AREL1: variants seen among roughly 807,000 people sequenced by gnomAD.
AREL1 encodes apoptosis resistant E3 ubiquitin protein ligase 1.
Under a neutral mutation model 99.0 loss-of-function variants are expected in AREL1, and 62 were observed. That is an observed-to-expected ratio of 0.63 (90% CI 0.51 to 0.77). The LOEUF (loss-of-function observed/expected upper bound fraction) is 0.77. Ranked by LOEUF, AREL1 falls within the 30% of genes least tolerant of loss-of-function variation. AREL1 has a pLI of 0.00. For synonymous variants in AREL1, 380 were observed against 376.5 expected, an observed-to-expected ratio of 1.01 and a Z score of -0.11; for missense variants, 879 against 1,027.6, an observed-to-expected ratio of 0.86 and a Z score of 1.98.
At chr14:74,685,288 T>C (rs1177744193) in intron 3 of AREL1, among the ~76,000 whole-genome samples, 1 of 152,180 alleles carries the variant, frequency 6.6e-6, no homozygotes, top group African/African-American at 2.4e-5. Flanking sequence ...TTCAAACTCC[T>C]ACACATTCAT....
At chr14:74,689,379 TG>T (rs577626190) in intron 2 of AREL1, among the ~76,000 whole-genome samples, 197 of 152,176 alleles carry the variant, frequency 1.3e-3, no homozygotes, top group African/African-American at 4.5e-3. Flanking sequence ...AGCTCTGAAA[TG>T]TCCCCTCTCC....
At position 74,670,090 on chromosome 14, in the gene AREL1, G is replaced by A. The variant is rs2089300581; in HGVS notation, c.1645C>T (p.Leu549=). 2 of 1,613,402 alleles carry A rather than the reference G, an allele frequency of 1.2e-6. No individual in the cohort carries two copies. Among genetic ancestry groups the A allele is most frequent in the Non-Finnish European group, 1.7e-6 (2 of 1,179,500 alleles). Residue 549 remains leucine, a synonymous_variant, in exon 14 of 20, where the codon CTG becomes TTG. Coordinates refer to ENST00000356357, the MANE Select transcript of AREL1 (RefSeq NM_001039479.2). ...PNPNRPAHLR[L]KMYEFAGRLV... ...CGTCCCGCAAACTCATACATTTTCA[G>A]GCGCAGATGAGCGGGGCGATTAGGG...
intron 5 of AREL1, among the ~76,000 whole-genome samples, chr14:74,679,647 C>A (rs1046102413): frequency 6.6e-5 from 10 of 151,674 alleles, no homozygotes; most frequent in African/African-American, 2.4e-4. Context: ...TCTAACAGGG[C>A]AAAACCCCAT....
intron 2 of AREL1, among the ~76,000 whole-genome samples, chr14:74,688,978 A>G (rs1055695567): frequency 1.3e-4 from 19 of 151,142 alleles, no homozygotes; most frequent in African/African-American, 4.4e-4. Flanking sequence ...CTGGGATTAC[A>G]GGTGCCCACC....
chr14:74,697,779 A>T (rs905659510), intron 1 of AREL1, among the ~76,000 whole-genome samples: 1 of 152,204 alleles, frequency 6.6e-6, no homozygotes, highest in Non-Finnish European at 1.5e-5. Context: ...AGTCAGCAGG[A>T]TGAACTCACT....
At chr14:74,668,194 G>C (rs2139861710) in intron 15 of AREL1, among the ~76,000 whole-genome samples, 1 of 152,280 alleles carries the variant, frequency 6.6e-6, no homozygotes, top group South Asian at 2.1e-4. Context: ...TCTCTGCAAA[G>C]AAAAAGGTGA....
At chr14:74,699,236 A>C (rs2090033347) in intron 1 of AREL1, among the ~76,000 whole-genome samples, 1 of 152,184 alleles carries the variant, frequency 6.6e-6, no homozygotes, top group African/African-American at 2.4e-5. Flanking sequence ...GAGTTCACAC[A>C]TTCTCTGTGT....
chr14:74,671,477 T>A lies in AREL1; in HGVS notation c.1429A>T (p.Lys477Ter), dbSNP rs2089343742. 6.3e-7 allele frequency: 1 copy of A among 1,594,822 alleles called. No individual in the cohort carries two copies. Among genetic ancestry groups the A allele is most frequent in the African/African-American group, 1.4e-5 (1 of 73,552 alleles). Residue 477 changes from lysine (K) to a stop codon, truncating the protein, a stop_gained, in exon 12 of 20, where the codon AAA (lysine) becomes TAA (stop). Transcript: ENST00000356357. LOFTEE classifies it high-confidence loss of function. ...GAGATGGAGAAATTCCGAGTGGCTT[T>A]CAGAGACTGAAAAGAAGTGAAAGGA... ...SRHALLESSL[K>*]ATRNFSISDW...
At chr14:74,702,432 T>C (rs116296013) in intron 1 of AREL1, among the ~76,000 whole-genome samples, 2,730 of 152,308 alleles carry the variant, frequency 0.018, 91 homozygotes, top group African/African-American at 0.063. Flanking sequence ...TGGCCCAAGC[T>C]GTACCTTGGC....
intron 7 of AREL1, 60 bp from the exon 8 acceptor site, chr14:74,676,006 T>C: frequency 1.3e-6 from 2 of 1,538,708 alleles, no homozygotes; most frequent in Non-Finnish European, 1.7e-6. Context: ...AAATTACCTA[T>C]CACAGGCTTT....
chr14:74,687,276 T>C (rs778388327), intron 2 of AREL1, among the ~76,000 whole-genome samples: 12 of 152,200 alleles, frequency 7.9e-5, no homozygotes, highest in Non-Finnish European at 1.6e-4. Flanking sequence ...TCATGAGGGC[T>C]AGAAAAATTC....
At position 74,664,010 on chromosome 14, in the gene AREL1, T is replaced by C; in HGVS notation, c.2258A>G (p.Gln753Arg). Residue 753 changes from glutamine to arginine, a missense_variant, in exon 19 of 20, where the codon CAG (glutamine) becomes CGG (arginine). Gln to Arg is a conservative substitution (Grantham distance 43). Transcript: ENST00000356357. ...LTQEELARLL[Q>R]FTTGSSQLPP... The stretch of plus-strand genomic sequence containing the variant: ...TAGCTGAGAGGAGCCTGTTGTGAAC[T>C]GAAGTAGCCGAGCCAACTCCTCCTG... 1 of 1,614,082 alleles carries C rather than the reference T, an allele frequency of 6.2e-7. No individual in the cohort carries two copies. The highest frequency in any genetic ancestry group is 8.5e-7 in the Non-Finnish European group (1 of 1,180,010).
chr14:74,703,644 T>C (rs1322283530), intron 1 of AREL1, among the ~76,000 whole-genome samples: 4 of 152,206 alleles, frequency 2.6e-5, no homozygotes, highest in Admixed American at 6.5e-5. Flanking sequence ...CTTAGATTCA[T>C]ACATGTTGTT....
intron 8 of AREL1, 52 bp from the exon 9 acceptor site, chr14:74,674,163 A>G: frequency 6.9e-7 from 1 of 1,447,618 alleles, no homozygotes; most frequent in Non-Finnish European, 9.6e-7. Context: ...AAAAGGCTCT[A>G]TTTGGGTATT....
chr14:74,705,765 A>G (rs577405849), intron 1 of AREL1, among the ~76,000 whole-genome samples: 1 of 152,298 alleles, frequency 6.6e-6, no homozygotes, highest in South Asian at 2.1e-4. Flanking sequence ...TCTCTATTGC[A>G]CCATTCTCTC....
intron 11 of AREL1, chr14:74,672,122 T>G (rs1301853841): frequency 5.2e-6 from 2 of 381,284 alleles, no homozygotes. Flanking sequence ...AATCATTTCC[T>G]TTTAATTCAA....
At chr14:74,688,994 G>A (rs1462972193) in intron 2 of AREL1, among the ~76,000 whole-genome samples, 15 of 150,966 alleles carry the variant, frequency 9.9e-5, no homozygotes, top group African/African-American at 2.9e-4. Context: ...CCACCACCAC[G>A]CCAGGCTAAT....
At chr14:74,703,305 G>T (rs1382321673) in intron 1 of AREL1, among the ~76,000 whole-genome samples, 1 of 152,170 alleles carries the variant, frequency 6.6e-6, no homozygotes, top group East Asian at 1.9e-4. Context: ...AGCGAAAGGG[G>T]AAATCCCTTA....
In AREL1 at chr14:74,676,683, G is replaced by C. The variant is rs202106130; in HGVS notation, c.551C>G (p.Pro184Arg). 3.7e-6 allele frequency: 6 copies of C among 1,613,960 alleles called. No individual in the cohort carries two copies. The highest frequency in any genetic ancestry group is 5.1e-6 in the Non-Finnish European group (6 of 1,179,984). The change falls in exon 6 of 20, where the codon CCG becomes CGG. Residue 184 changes from proline (P) to arginine (R), a missense_variant. Pro to Arg is a moderately radical substitution (Grantham distance 103). Transcript: ENST00000356357. ...TCGGGGTACTATTTGAAGGGTGTGC[G>C]GCTGCCCACAGGTCAATACAAGAGT... ...FSTLVLTCGQPHTLQIVPRDE... is the reference protein window; with the variant it reads ...FSTLVLTCGQRHTLQIVPRDE...
Sources: allele counts gnomAD v4.1 joint callset (sites outside exome capture counted in the v4.1 genomes callset), GRCh38; gene constraint gnomAD v4.1.1; transcripts MANE v1.5; gene names NCBI Gene and HGNC (gene_info 2026-07-23, HGNC 2026-07-21).